PPM1H: variants seen among roughly 807,000 people sequenced by gnomAD.
The protein encoded by PPM1H is protein phosphatase, Mg2+/Mn2+ dependent 1H.
A neutral mutation model predicts 54.9 loss-of-function variants in PPM1H; 27 were observed. That is an observed-to-expected ratio of 0.49 (90% CI 0.36 to 0.68). The LOEUF (loss-of-function observed/expected upper bound fraction) is 0.68. PPM1H is among the 30% of genes least tolerant of loss of function. The pLI is 0.00. For missense variants in PPM1H, 596 were observed against 667.8 expected, an observed-to-expected ratio of 0.89 and a Z score of 1.19; for synonymous variants, 305 against 270.8, an observed-to-expected ratio of 1.13 and a Z score of -1.24.
At chr12:62,684,586 C>G (rs1592541929) in intron 8 of PPM1H, among the ~76,000 whole-genome samples, 1 of 152,134 alleles carries the variant, frequency 6.6e-6, no homozygotes, top group South Asian at 2.1e-4. Flanking sequence ...GATTTTTGCG[C>G]ACTTTTTCTC....
At chr12:62,902,381 TA>T (rs896229479) in intron 1 of PPM1H, among the ~76,000 whole-genome samples, 30 of 151,228 alleles carry the variant, frequency 2.0e-4, no homozygotes, top group Middle Eastern at 3.4e-3. Context: ...AATAATAAAA[TA>T]AAAAAATAAT....
At chr12:62,850,646 T>C (rs976662912) in intron 1 of PPM1H, 1 of 148,508 alleles carries the variant, frequency 6.7e-6, no homozygotes, top group African/African-American at 2.4e-5. Flanking sequence ...TATATAAAGA[T>C]ATATTTTAAA....
chr12:62,726,573 AT>A lies in PPM1H; in HGVS notation c.955-6285del, dbSNP rs1278340740. Among the ~76,000 whole-genome samples the A allele has an allele frequency of 4.6e-5, 7 of 152,282 alleles. No individual in the cohort carries two copies. The East Asian group carries it at 1.4e-3, about 29-fold the overall frequency. On this transcript the variant is annotated intron_variant, in intron 5 of 9. Coordinates refer to ENST00000228705, the MANE Select transcript of PPM1H (RefSeq NM_020700.2). Reference sequence around the variant, plus strand: ...TCTAATAATTTTAGGGAAAGCCAAAATCCTGGAGAAGAGGCAAGCAGAGCAG... The same window carrying A: ...TCTAATAATTTTAGGGAAAGCCAAAACCTGGAGAAGAGGCAAGCAGAGCAG...
chr12:62,928,772 C>G (rs1050624352), intron 1 of PPM1H, among the ~76,000 whole-genome samples: 4 of 150,582 alleles, frequency 2.7e-5, no homozygotes, highest in Non-Finnish European at 5.9e-5. Flanking sequence ...CCTGCTAGGT[C>G]AGTTGAGTTT....
intron 1 of PPM1H, among the ~76,000 whole-genome samples, chr12:62,858,601 G>A (rs115843334): frequency 1.2e-3 from 188 of 152,254 alleles, no homozygotes; most frequent in African/African-American, 4.3e-3. Flanking sequence ...TTCCTATAGT[G>A]TCCCGGCAGG....
At chr12:62,930,351 T>A (rs956507809) in intron 1 of PPM1H, among the ~76,000 whole-genome samples, 6 of 152,184 alleles carry the variant, frequency 3.9e-5, no homozygotes, top group Admixed American at 6.5e-5. Context: ...GGAAAAAAAA[T>A]TTATAGTTAT....
At chr12:62,893,445 C>T (rs999588361) in intron 1 of PPM1H, among the ~76,000 whole-genome samples, 2 of 152,002 alleles carry the variant, frequency 1.3e-5, no homozygotes, top group African/African-American at 4.8e-5. Flanking sequence ...AATTAGGGCC[C>T]ACTTGACCTC....
At position 62,775,782 on chromosome 12, in the gene PPM1H, C is replaced by T. The variant is rs369748530; in HGVS notation, c.869+12444G>A. Among the ~76,000 whole-genome samples the T allele has an allele frequency of 5.9e-5, 9 of 152,338 alleles. No homozygotes were observed. In the East Asian group the frequency reaches 1.7e-3, roughly 29 times the overall value. On this transcript the variant is annotated intron_variant, in intron 4 of 9. Transcript: ENST00000228705. ...GCACCTCCTCTGCCTCACCTACTAC[C>T]CCCTCTTTCTTTGGTCCATTTCTAT...
intron 8 of PPM1H, among the ~76,000 whole-genome samples, chr12:62,679,686 C>T (rs2076007941): frequency 6.6e-6 from 1 of 152,184 alleles, no homozygotes; most frequent in Non-Finnish European, 1.5e-5. Flanking sequence ...GAAATGTTTA[C>T]ATAAATGTTT....
chr12:62,650,252 A>T (rs796259208), intron 9 of PPM1H, among the ~76,000 whole-genome samples: 5 of 152,374 alleles, frequency 3.3e-5, no homozygotes, highest in African/African-American at 1.2e-4. Context: ...ACAGAAGTGT[A>T]ACATACACTA....
intron 3 of PPM1H, among the ~76,000 whole-genome samples, chr12:62,798,028 A>T (rs938246014): frequency 4.6e-5 from 7 of 152,200 alleles, no homozygotes; most frequent in Admixed American, 4.6e-4. Flanking sequence ...TCACTTAATA[A>T]GGCCAACCAG....
chr12:62,710,854 C>T (rs1298346922), intron 6 of PPM1H, among the ~76,000 whole-genome samples: 2 of 152,200 alleles, frequency 1.3e-5, no homozygotes, highest in South Asian at 2.1e-4. Flanking sequence ...CTGAGGCCAG[C>T]AGCAGCTCTT....
intron 6 of PPM1H, among the ~76,000 whole-genome samples, chr12:62,715,542 C>G (rs1282985315): frequency 6.6e-6 from 1 of 152,036 alleles, no homozygotes; most frequent in Non-Finnish European, 1.5e-5. Flanking sequence ...TTGAGCCTGC[C>G]AAGCTGCTCC....
intron 2 of PPM1H, among the ~76,000 whole-genome samples, chr12:62,815,737 A>T (rs77553254): frequency 0.056 from 8,529 of 152,240 alleles, 271 homozygotes; most frequent in African/African-American, 0.084. Context: ...CAATTTACAG[A>T]TGGGAAAATT....
chr12:62,817,318 C>T (rs1233950805), intron 2 of PPM1H, among the ~76,000 whole-genome samples: 6 of 151,328 alleles, frequency 4.0e-5, no homozygotes, highest in East Asian at 1.9e-4. Context: ...AAAAATTAGC[C>T]GGGCGTGGTG....
At chr12:62,807,501 G>T (rs2076811729) in intron 2 of PPM1H, among the ~76,000 whole-genome samples, 1 of 152,180 alleles carries the variant, frequency 6.6e-6, no homozygotes, top group South Asian at 2.1e-4. Context: ...CAGGTGAGAA[G>T]ATTTGGATTC....
chr12:62,858,240 G>T (rs181414902), intron 1 of PPM1H, among the ~76,000 whole-genome samples: 46 of 152,140 alleles, frequency 3.0e-4, no homozygotes, highest in Non-Finnish European at 2.8e-4. Context: ...CAAGAATCCA[G>T]AGTCAGAACT....
intron 9 of PPM1H, among the ~76,000 whole-genome samples, chr12:62,657,243 T>C (rs1170037455): frequency 2.6e-5 from 4 of 152,192 alleles, no homozygotes; most frequent in African/African-American, 9.7e-5. Flanking sequence ...ACCCTGGCCC[T>C]GGTTCCCTGG....
intron 4 of PPM1H, among the ~76,000 whole-genome samples, chr12:62,763,388 T>C (rs1237486892): frequency 1.3e-5 from 2 of 152,176 alleles, no homozygotes; most frequent in African/African-American, 2.4e-5. Flanking sequence ...CAAATCCAGA[T>C]AGGGTAAATG....
Sources: allele counts gnomAD v4.1 joint callset (sites outside exome capture counted in the v4.1 genomes callset), GRCh38; gene constraint gnomAD v4.1.1; transcripts MANE v1.5; gene names NCBI Gene and HGNC (gene_info 2026-07-23, HGNC 2026-07-21).